Variants in ZNF385B observed in about 807,000 individuals in gnomAD.
The protein encoded by ZNF385B is zinc finger protein 385B.
In ZNF385B, 23 loss-of-function variants were observed where a neutral mutation model predicts 39.2. The observed-to-expected ratio is 0.59, with a 90% CI of 0.42 to 0.83. The LOEUF (loss-of-function observed/expected upper bound fraction) is 0.83, where lower values mean the gene tolerates loss of function less well. Among genes scored for constraint, ZNF385B ranks in the 40% least tolerant of loss-of-function variants. The pLI is 0.00. For missense variants in ZNF385B, 552 were observed against 598.9 expected (o/e 0.92, Z 0.82); for synonymous variants, 205 against 222.6 (o/e 0.92, Z 0.70).
chr2:179,568,319 C>A (rs989926995), intron 3 of ZNF385B, among the ~76,000 whole-genome samples: 1 of 152,180 alleles, frequency 6.6e-6, no homozygotes, highest in Non-Finnish European at 1.5e-5. Flanking sequence ...TTACTTGTCT[C>A]TAAAATGATC....
chr2:179,725,603 T>C (rs1700956185), intron 3 of ZNF385B, among the ~76,000 whole-genome samples: 1 of 151,440 alleles, frequency 6.6e-6, no homozygotes, highest in Non-Finnish European at 1.5e-5. Flanking sequence ...ATGTTCTGTA[T>C]TTCTCTAGCT....
chr2:179,687,373 T>A (rs938556600), intron 3 of ZNF385B, among the ~76,000 whole-genome samples: 6 of 152,118 alleles, frequency 3.9e-5, no homozygotes, highest in African/African-American at 1.4e-4. Context: ...CACAGACTCA[T>A]CTGCTATTTC....
intron 1 of ZNF385B, among the ~76,000 whole-genome samples, chr2:179,805,106 C>T (rs1284545472): frequency 1.3e-5 from 2 of 152,112 alleles, no homozygotes; most frequent in African/African-American, 4.8e-5. Context: ...AAGCCTAGGC[C>T]ATAAGAGAAT....
intron 3 of ZNF385B, among the ~76,000 whole-genome samples, chr2:179,558,765 T>C (rs964951200): frequency 9.2e-5 from 14 of 152,144 alleles, no homozygotes; most frequent in Admixed American, 3.3e-4. Context: ...GTGGCCATCA[T>C]AGAAAAGGCC....
chr2:179,458,338 G>A (rs1389987430), intron 6 of ZNF385B, among the ~76,000 whole-genome samples: 1 of 152,170 alleles, frequency 6.6e-6, no homozygotes, highest in Non-Finnish European at 1.5e-5. Context: ...TGACATCCAT[G>A]TAAGACATGA....
At chr2:179,661,192 G>A (rs2106277011) in intron 3 of ZNF385B, among the ~76,000 whole-genome samples, 1 of 152,282 alleles carries the variant, frequency 6.6e-6, no homozygotes, top group African/African-American at 2.4e-5. Context: ...TTGGTAAAAG[G>A]AAAATGGGGA....
chr2:179,829,748 C>A (rs566644918), intron 1 of ZNF385B, among the ~76,000 whole-genome samples: 2 of 152,156 alleles, frequency 1.3e-5, no homozygotes, highest in South Asian at 2.1e-4. Context: ...CTCCTGACCT[C>A]GTGATCTGCC....
chr2:179,784,547 G>A (rs1274647074), intron 1 of ZNF385B, among the ~76,000 whole-genome samples: 1 of 151,822 alleles, frequency 6.6e-6, no homozygotes, highest in East Asian at 1.9e-4. Flanking sequence ...CTCCCAGAGT[G>A]GAAAAAGATA....
At chr2:179,470,262 C>T (rs748380034) in intron 6 of ZNF385B, among the ~76,000 whole-genome samples, 4 of 152,204 alleles carry the variant, frequency 2.6e-5, no homozygotes, top group African/African-American at 4.8e-5. Flanking sequence ...TGACAGGCAT[C>T]AACCAGGGCA....
At chr2:179,555,148 A>G (rs776949903) in intron 3 of ZNF385B, among the ~76,000 whole-genome samples, 16 of 149,906 alleles carry the variant, frequency 1.1e-4, no homozygotes, top group Non-Finnish European at 1.5e-4. Context: ...AATGACATAC[A>G]GCAATGAGAA....
chr2:179,627,181 G>A (rs11681178), intron 3 of ZNF385B, among the ~76,000 whole-genome samples: 28,153 of 152,136 alleles, frequency 0.19, 3,213 homozygotes, highest in South Asian at 0.29. Flanking sequence ...GTGACACTGT[G>A]CCTGAAACCT....
At position 179,723,221 on chromosome 2, in the gene ZNF385B, T is replaced by C. The variant is rs16866951; in HGVS notation, c.298+46282A>G. On this transcript the variant is annotated intron_variant, in intron 3 of 9. Transcript: ENST00000410066. Reference sequence around the variant, plus strand: ...CTGGCAGTATTCTGGGGCTATAGCATAAAACAGAAAAAAAAATTTCAAGTT... The same window carrying C: ...CTGGCAGTATTCTGGGGCTATAGCACAAAACAGAAAAAAAAATTTCAAGTT... 7.0e-3 allele frequency among the ~76,000 whole-genome samples: 1,062 copies of C among 152,180 alleles called. 9 individuals carry two copies. The highest frequency in any genetic ancestry group is 0.025 in the African/African-American group (1,024 of 41,534).
At chr2:179,768,087 T>C (rs890806057) in intron 3 of ZNF385B, among the ~76,000 whole-genome samples, 2 of 151,670 alleles carry the variant, frequency 1.3e-5, no homozygotes, top group Non-Finnish European at 2.9e-5. Context: ...GTAGCTGGGA[T>C]TACAGGTGTG....
chr2:179,743,797 T>A (rs939130007), intron 3 of ZNF385B, among the ~76,000 whole-genome samples: 3 of 152,154 alleles, frequency 2.0e-5, no homozygotes, highest in African/African-American at 7.2e-5. Context: ...ATTAATATCA[T>A]TTTAGCATTT....
chr2:179,578,295 C>A (rs2106022641), intron 3 of ZNF385B, among the ~76,000 whole-genome samples: 1 of 152,136 alleles, frequency 6.6e-6, no homozygotes, highest in East Asian at 1.9e-4. Flanking sequence ...GAAAAGAAAA[C>A]AAATATGTTA....
At chr2:179,470,484 GC>G (rs3054058) in intron 6 of ZNF385B, among the ~76,000 whole-genome samples, 2 of 151,700 alleles carry the variant, frequency 1.3e-5, no homozygotes, top group African/African-American at 2.4e-5. Flanking sequence ...ATATGGTTTG[GC>G]CCCCCCGGGC....
rs1705072745 is a variant in ZNF385B, at chr2:179,787,443, A to T, written c.-154-16771T>A. Among the ~76,000 whole-genome samples, 4 of 152,234 alleles carry T rather than the reference A, an allele frequency of 2.6e-5. No homozygotes were observed. In the South Asian group the frequency reaches 6.2e-4, roughly 24 times the overall value. On this transcript the variant is annotated intron_variant, in intron 1 of 9. Coordinates refer to ENST00000410066, the MANE Select transcript of ZNF385B (RefSeq NM_152520.6). ...CAATACAATATCTCTTAATATTGGT[A>T]TAGAAGCCTTAAAACCAATACAATA...
chr2:179,484,902 A>C (rs539335675), intron 5 of ZNF385B, among the ~76,000 whole-genome samples: 1 of 152,256 alleles, frequency 6.6e-6, no homozygotes, highest in South Asian at 2.1e-4. Context: ...GGCCTAAGGA[A>C]AGTACTGACG....
rs576688158 is a variant in ZNF385B at position 179,503,681 on chromosome 2, A to T, written c.552+14847T>A. Among the ~76,000 whole-genome samples the T allele has an allele frequency of 1.2e-4, 18 of 148,340 alleles. No homozygotes were observed. In the East Asian group the frequency reaches 1.2e-3, roughly 10 times the overall value. Reference sequence around the variant, plus strand: ...TGTGATGTTCCCCTTCCTGTGTCCAAGTGTTCTCATTGTTCAATTCCCACC... The same window carrying T: ...TGTGATGTTCCCCTTCCTGTGTCCATGTGTTCTCATTGTTCAATTCCCACC... On this transcript the variant is annotated intron_variant, in intron 5 of 9. Transcript: ENST00000410066.
Sources: gnomAD v4.1 joint callset for allele counts (sites outside exome capture counted in the v4.1 genomes callset) on GRCh38, gnomAD v4.1.1 for gene constraint, MANE v1.5 for transcripts, NCBI Gene and HGNC (gene_info 2026-07-23, HGNC 2026-07-21) for gene names.